The following ANXA6 variants were observed in gnomAD, a reference collection of about 807,000 sequenced individuals.
ANXA6 encodes 67 kDa calelectrin.
Under a neutral mutation model 95.4 loss-of-function variants are expected in ANXA6, and 71 were observed. That is an observed-to-expected ratio of 0.74 (90% CI 0.61 to 0.91). The LOEUF is 0.91. ANXA6 is among the 40% of genes least tolerant of loss of function. The probability of loss-of-function intolerance (pLI) is 0.00; values close to 1 mark genes in which losing one functional copy is unlikely to be tolerated. For synonymous variants in ANXA6, 289 were observed against 315.9 expected (o/e 0.91, Z 0.90); for missense variants, 830 against 876.4 (o/e 0.95, Z 0.67).
At chr5:151,135,620 A>G (rs930365505) in intron 7 of ANXA6, among the ~76,000 whole-genome samples, 2 of 152,242 alleles carry the variant, frequency 1.3e-5, no homozygotes, top group Non-Finnish European at 2.9e-5. Flanking sequence ...GGTAGATAAC[A>G]TTCACGGTGA....
At chr5:151,157,547 C>A (rs1375460367) in intron 1 of ANXA6, 133 bp downstream of exon 1, 1 of 152,776 alleles carries the variant, frequency 6.5e-6, no homozygotes, top group African/African-American at 2.4e-5. Context: ...TCTCGGGTTA[C>A]CGCGCCCTCC....
At chr5:151,125,503 C>CT (rs1389964913) in intron 14 of ANXA6, among the ~76,000 whole-genome samples, 1 of 152,194 alleles carries the variant, frequency 6.6e-6, no homozygotes, top group Non-Finnish European at 1.5e-5. Flanking sequence ...GATGCCTCTA[C>CT]TTGCCAGAAG....
chr5:151,138,759 C>T lies in ANXA6; in HGVS notation c.237G>A (p.Thr79=), dbSNP rs184344124. Residue 79 remains threonine (T), a synonymous_variant, in exon 5 of 26, where the codon ACG becomes ACA. Transcript: ENST00000354546. ...CCACAATCAACCGTTCAAACTTGCC[C>T]GTCAATTCATACTTTAAATCAGCAA... is the stretch of plus-strand genomic sequence containing the variant. ...DLIADLKYEL[T]GKFERLIVGL... 3.3e-4 allele frequency: 533 copies of T among 1,613,810 alleles called. 2 individuals are homozygous for T. Among genetic ancestry groups the T allele is most frequent in the Non-Finnish European group, 1.4e-4 (163 of 1,179,810 alleles).
At chr5:151,144,562 G>A (rs1199743410) in intron 2 of ANXA6, among the ~76,000 whole-genome samples, 2 of 152,082 alleles carry the variant, frequency 1.3e-5, no homozygotes, top group East Asian at 1.9e-4. Flanking sequence ...GATGAAGGGC[G>A]GAGGATGAGG....
chr5:151,134,362 C>T (rs531419039), intron 8 of ANXA6, 65 bp downstream of exon 8: 10 of 1,559,908 alleles, frequency 6.4e-6, no homozygotes, highest in Non-Finnish European at 8.8e-6. Flanking sequence ...TTCCCAGGGC[C>T]CCAACCTCTC....
Position 151,155,217 on chromosome 5 carries a change from G to C in ANXA6, c.-26+2463C>G, listed in dbSNP as rs190195469. 4 of 152,216 alleles carry C rather than the reference G, an allele frequency of 2.6e-5. No individual in the cohort carries two copies. In the East Asian group the frequency reaches 7.7e-4, roughly 29 times the overall value. The allele number at this position is 152,216 out of a possible 1,614,324, so 9.4% of individuals were successfully genotyped here. A position where few individuals can be genotyped will look rare whatever the true frequency, so the allele number is the denominator to read the frequency against. ...TCAGCCGGGGCCTGGCAAATTTAAG[G>C]GTTCGAGAGGTAATAGTGGTTACCA... On this transcript the variant is annotated intron_variant, in intron 1 of 25. Transcript: ENST00000354546.
chr5:151,122,207 A>C lies in ANXA6; in HGVS notation c.1287T>G (p.Ile429Met). Residue 429 changes from isoleucine to methionine, a missense_variant, in exon 17 of 26, where the codon ATT (isoleucine) becomes ATG (methionine). Ile to Met is a conservative substitution (Grantham distance 10). Transcript: ENST00000354546. ...SEISGDLARL[I>M]LGLMMPPAHY... ...GGGCCGGTGGCATCATGAGCCCCAG[A>C]ATCAGCCTTGCCAGGTCTCCAGAGA... The C allele has an allele frequency of 6.2e-7, 1 of 1,604,706 alleles. No individual in the cohort carries two copies. Among genetic ancestry groups the C allele is most frequent in the Non-Finnish European group, 8.5e-7 (1 of 1,176,594 alleles).
intron 1 of ANXA6, among the ~76,000 whole-genome samples, chr5:151,154,045 T>C (rs1163146385): frequency 6.6e-6 from 1 of 152,144 alleles, no homozygotes; most frequent in Admixed American, 6.5e-5. Context: ...CCATCTACTA[T>C]TGGTTTTCAA....
At chr5:151,103,139 G>C (rs1394298133) in intron 25 of ANXA6, among the ~76,000 whole-genome samples, 2 of 152,084 alleles carry the variant, frequency 1.3e-5, no homozygotes, top group African/African-American at 4.8e-5. Context: ...TGGGATTACA[G>C]GCATGAGCCA....
intron 9 of ANXA6, 62 bp downstream of exon 9, chr5:151,133,029 AGAT>A: frequency 1.1e-5 from 12 of 1,113,448 alleles, no homozygotes; most frequent in Admixed American, 4.7e-5. Context: ...AAAAGAAAAG[AGAT>A]AAAGAAAGGC....
chr5:151,157,492 A>G (rs570824669), intron 1 of ANXA6, among the ~76,000 whole-genome samples, 188 bp downstream of exon 1: 1 of 151,660 alleles, frequency 6.6e-6, no homozygotes, highest in Non-Finnish European at 1.5e-5. Flanking sequence ...CCCCGACCCC[A>G]GATTTGCTCC....
chr5:151,142,842 G>A (rs990637636), intron 2 of ANXA6, among the ~76,000 whole-genome samples: 4 of 152,186 alleles, frequency 2.6e-5, no homozygotes, highest in Non-Finnish European at 5.9e-5. Context: ...GACCAGTGTG[G>A]AAATATTAAG....
intron 11 of ANXA6, among the ~76,000 whole-genome samples, chr5:151,130,261 G>T (rs766684541): frequency 6.6e-6 from 1 of 151,312 alleles, no homozygotes; most frequent in Non-Finnish European, 1.5e-5. Context: ...AAGAGGCAGG[G>T]TCTCACTCTG....
chr5:151,142,713 G>T (rs1765869992), intron 2 of ANXA6, among the ~76,000 whole-genome samples: 2 of 152,206 alleles, frequency 1.3e-5, no homozygotes, highest in Admixed American at 1.3e-4. Context: ...TGAATGGATG[G>T]AGACACCCAT....
At chr5:151,104,168 G>C (rs1438075662) in intron 24 of ANXA6, among the ~76,000 whole-genome samples, 1 of 152,168 alleles carries the variant, frequency 6.6e-6, no homozygotes, top group East Asian at 1.9e-4. Context: ...GGAGAGGCAG[G>C]GGAGTGCTTC....
At chr5:151,131,171 T>C in intron 11 of ANXA6, 60 bp downstream of exon 11, 1 of 1,568,706 alleles carries the variant, frequency 6.4e-7, no homozygotes, top group Non-Finnish European at 8.8e-7. Flanking sequence ...CCCAAGGACT[T>C]GTCAAAGACT....
At chr5:151,156,727 T>G (rs1766246430) in intron 1 of ANXA6, among the ~76,000 whole-genome samples, 1 of 152,146 alleles carries the variant, frequency 6.6e-6, no homozygotes, top group Admixed American at 6.5e-5. Context: ...TCCTGCCCTT[T>G]CCCCTTGTAG....
Position 151,119,385 on chromosome 5 carries a change from G to T in ANXA6, c.1353C>A (p.Ala451=), listed in dbSNP as rs756938308. ...AKQLKKAMEG[A]GTDEKALIEI... ...CAATAAGAGCCTTTTCATCTGTGCCGGCTCCCTGGAATGTCAAGGCAAAGA... is the reference window on the plus strand; with the variant it reads ...CAATAAGAGCCTTTTCATCTGTGCCTGCTCCCTGGAATGTCAAGGCAAAGA... The change falls in exon 18 of 26, where the codon GCC becomes GCA. Residue 451 remains alanine, a synonymous_variant. Transcript: ENST00000354546. 4 of 1,613,688 alleles carry T rather than the reference G, an allele frequency of 2.5e-6. No individual in the cohort carries two copies. The highest frequency in any genetic ancestry group is 3.4e-6 in the Non-Finnish European group (4 of 1,179,760).
At chr5:151,116,304 C>T (rs1432913189) in intron 20 of ANXA6, among the ~76,000 whole-genome samples, 1 of 152,172 alleles carries the variant, frequency 6.6e-6, no homozygotes, top group Non-Finnish European at 1.5e-5. Context: ...TCCCTGGACA[C>T]AGCTTTTGGG....
Sources: gnomAD v4.1 joint callset for allele counts (sites outside exome capture counted in the v4.1 genomes callset) on GRCh38, gnomAD v4.1.1 for gene constraint, MANE v1.5 for transcripts, NCBI Gene and HGNC (gene_info 2026-07-23, HGNC 2026-07-21) for gene names.